Variants in CACHD1 observed in about 807,000 individuals in gnomAD.
CACHD1 encodes cache domain containing 1, also known as VWFA and cache domain-containing protein 1.
In CACHD1, 71 loss-of-function variants were observed where a neutral mutation model predicts 138.7. That is an observed-to-expected ratio of 0.51 (90% CI 0.42 to 0.62). CACHD1 has a LOEUF of 0.62. CACHD1 is among the 20% of genes least tolerant of loss of function. The pLI, the probability that CACHD1 is intolerant of heterozygous loss-of-function variation, is 0.00. For synonymous variants in CACHD1, 578 were observed against 591.5 expected (o/e 0.98, Z 0.33); for missense variants, 1,389 against 1,625.3 (o/e 0.85, Z 2.50).
intron 2 of CACHD1, among the ~76,000 whole-genome samples, chr1:64,566,641 T>C (rs1430179993): frequency 1.3e-5 from 2 of 151,740 alleles, no homozygotes; most frequent in African/African-American, 4.8e-5. Context: ...TCTTTCGTTT[T>C]CCCCCAGCAA....
intron 2 of CACHD1, among the ~76,000 whole-genome samples, chr1:64,559,550 G>A (rs1048238721): frequency 6.6e-6 from 1 of 152,116 alleles, no homozygotes; most frequent in Non-Finnish European, 1.5e-5. Flanking sequence ...ACTGGGTACT[G>A]AGCTTAATAC....
intron 1 of CACHD1, among the ~76,000 whole-genome samples, chr1:64,548,800 G>A (rs184111494): frequency 1.3e-5 from 2 of 152,312 alleles, no homozygotes; most frequent in East Asian, 1.9e-4. Flanking sequence ...GCTAACAAAT[G>A]TGTTATGTAA....
chr1:64,547,684 C>T (rs1328691610), intron 1 of CACHD1, among the ~76,000 whole-genome samples: 3 of 152,136 alleles, frequency 2.0e-5, no homozygotes, highest in Non-Finnish European at 2.9e-5. Flanking sequence ...GAACTTTTAA[C>T]CTTGCACCAA....
intron 3 of CACHD1, among the ~76,000 whole-genome samples, chr1:64,586,238 A>AT (rs1557506490): frequency 2.0e-5 from 3 of 152,004 alleles, no homozygotes; most frequent in Admixed American, 6.5e-5. Flanking sequence ...TAATTTTTGT[A>AT]TTTTTAGTAG....
At chr1:64,502,037 C>T (rs1646343026) in intron 1 of CACHD1, among the ~76,000 whole-genome samples, 1 of 152,212 alleles carries the variant, frequency 6.6e-6, no homozygotes. Flanking sequence ...CTTAGCTTTA[C>T]TTTACATAAT....
At chr1:64,611,734 T>G (rs903748777) in intron 4 of CACHD1, among the ~76,000 whole-genome samples, 23 of 152,342 alleles carry the variant, frequency 1.5e-4, no homozygotes, top group Admixed American at 1.4e-3. Flanking sequence ...CTTTCCCTCA[T>G]CTTCCTGTTT....
chr1:64,498,925 C>G (rs1267044622), intron 1 of CACHD1, among the ~76,000 whole-genome samples: 1 of 152,250 alleles, frequency 6.6e-6, no homozygotes, highest in Non-Finnish European at 1.5e-5. Context: ...GGAGAACCAT[C>G]TAAAACAGTA....
intron 2 of CACHD1, among the ~76,000 whole-genome samples, chr1:64,564,662 G>A (rs1449971862): frequency 1.3e-5 from 2 of 152,130 alleles, no homozygotes; most frequent in African/African-American, 4.8e-5. Flanking sequence ...ATCCTCTTGG[G>A]TAAGGCCTAG....
At chr1:64,533,220 G>A (rs935282737) in intron 1 of CACHD1, among the ~76,000 whole-genome samples, 3 of 152,192 alleles carry the variant, frequency 2.0e-5, no homozygotes, top group Admixed American at 6.5e-5. Context: ...GCCGGGCGTG[G>A]TGGTGCAGGC....
At chr1:64,541,668 C>CA (rs141403980) in intron 1 of CACHD1, among the ~76,000 whole-genome samples, 9,965 of 151,582 alleles carry the variant, frequency 0.066, 508 homozygotes, top group African/African-American at 0.14. Context: ...ACAAAACCAA[C>CA]AAAAAAAACA....
At chr1:64,540,154 C>T (rs1027928483) in intron 1 of CACHD1, among the ~76,000 whole-genome samples, 1 of 152,102 alleles carries the variant, frequency 6.6e-6, no homozygotes, top group Non-Finnish European at 1.5e-5. Context: ...GGATAGATTC[C>T]CAGAGACCTA....
chr1:64,500,935 G>C (rs1266845751), intron 1 of CACHD1, among the ~76,000 whole-genome samples: 4 of 151,794 alleles, frequency 2.6e-5, no homozygotes, highest in Admixed American at 6.6e-5. Context: ...TATAATCCCA[G>C]GTACTTGGGA....
intron 1 of CACHD1, among the ~76,000 whole-genome samples, chr1:64,487,844 G>T (rs1646252299): frequency 6.6e-6 from 1 of 152,152 alleles, no homozygotes; most frequent in African/African-American, 2.4e-5. Flanking sequence ...CTTTTTGTGA[G>T]GTGATGTGAT....
At chr1:64,584,536 A>G (rs748613222) in intron 3 of CACHD1, among the ~76,000 whole-genome samples, 8 of 152,106 alleles carry the variant, frequency 5.3e-5, no homozygotes, top group East Asian at 1.9e-4. Flanking sequence ...ATAGCTTCCA[A>G]TTACCTCTTT....
chr1:64,616,056 G>A (rs1570419665), intron 4 of CACHD1, among the ~76,000 whole-genome samples: 1 of 152,270 alleles, frequency 6.6e-6, no homozygotes, highest in South Asian at 2.1e-4. Flanking sequence ...GCCTCCCTGA[G>A]ATAGATTGCT....
chr1:64,676,991 C>T lies in CACHD1; in HGVS notation c.3072C>T (p.Cys1024=). The change falls in exon 22 of 27, where the codon TGC becomes TGT. Residue 1024 remains cysteine (C), a synonymous_variant. Coordinates refer to ENST00000651257, the MANE Select transcript of CACHD1 (RefSeq NM_020925.4). ...DALHQCVNSR[C]SQRLESGDCF... is the part of the protein sequence containing the mutation. ...TTCACCAGTGTGTCAACAGCAGGTGCAGTCAGAGGCTGGAAAGTGGGTAAG... is the reference window on the plus strand; with the variant it reads ...TTCACCAGTGTGTCAACAGCAGGTGTAGTCAGAGGCTGGAAAGTGGGTAAG... 6.2e-7 allele frequency: 1 copy of T among 1,613,234 alleles called. No homozygotes were observed.
chr1:64,673,122 T>A, intron 17 of CACHD1, 36 bp from the exon 18 acceptor site: 2 of 1,459,068 alleles, frequency 1.4e-6, no homozygotes, highest in Admixed American at 1.9e-5. Context: ...AAAAAACAGC[T>A]GATATGAATG....
chr1:64,524,171 G>A (rs1016748370), intron 1 of CACHD1, among the ~76,000 whole-genome samples: 2 of 151,944 alleles, frequency 1.3e-5, no homozygotes, highest in Admixed American at 1.3e-4. Flanking sequence ...GCTTGTAAAG[G>A]TTTTGCTGAC....
rs139179151 is a variant in CACHD1 at position 64,673,613 on chromosome 1, A to G, written c.2727+149A>G. 2.4e-3 allele frequency: 1,691 copies of G among 719,422 alleles called. 3 individuals carry two copies. The highest frequency in any genetic ancestry group is 3.5e-3 in the South Asian group (188 of 54,426). 44.6% of individuals were successfully genotyped at this position (719,422 alleles called of 1,614,324 possible). A position where few individuals can be genotyped will look rare whatever the true frequency, so the allele number is the denominator to read the frequency against. On this transcript the variant is annotated intron_variant, in intron 19 of 26. Transcript: ENST00000651257. ...TAGGAGGAGACAGGAGCTTAGTTCCAGTTCCCAGTTTGACAATTGGGAGAT... is the reference window on the plus strand; with the variant it reads ...TAGGAGGAGACAGGAGCTTAGTTCCGGTTCCCAGTTTGACAATTGGGAGAT...
Sources: gnomAD v4.1 joint callset for allele counts (sites outside exome capture counted in the v4.1 genomes callset) on GRCh38, gnomAD v4.1.1 for gene constraint, MANE v1.5 for transcripts, NCBI Gene and HGNC (gene_info 2026-07-23, HGNC 2026-07-21) for gene names.